Variants in BPTF observed in about 807,000 individuals in gnomAD.
BPTF encodes nucleosome-remodeling factor subunit BPTF.
BPTF carries 18 observed loss-of-function variants against 292.5 expected under a neutral mutation model. That is an observed-to-expected ratio of 0.06 (90% CI 0.04 to 0.09). The LOEUF is 0.09. Among genes scored for constraint, BPTF ranks in the 10% least tolerant of loss-of-function variants. The pLI is 1.00. For synonymous variants in BPTF, 1,225 were observed against 1,251.9 expected (o/e 0.98, Z 0.45); for missense variants, 2,726 against 3,498.7 (o/e 0.78, Z 5.57).
intron 1 of BPTF, among the ~76,000 whole-genome samples, chr17:67,833,245 C>CTT (rs530573535): frequency 1.0e-4 from 15 of 143,274 alleles, no homozygotes; most frequent in Non-Finnish European, 1.1e-4. Flanking sequence ...GCTATACAGC[C>CTT]TTTTTTTTTT....
At chr17:67,826,831 T>C (rs1030802342) in intron 1 of BPTF, among the ~76,000 whole-genome samples, 5 of 152,230 alleles carry the variant, frequency 3.3e-5, no homozygotes, top group Non-Finnish European at 7.3e-5. Context: ...CAGATTGTGG[T>C]ACACAAACAC....
intron 21 of BPTF, among the ~76,000 whole-genome samples, chr17:67,947,278 ACTGT>A (rs1218019660): frequency 3.3e-5 from 5 of 152,236 alleles, no homozygotes; most frequent in African/African-American, 4.8e-5. Context: ...GAATTACTAC[ACTGT>A]CTGTCTATCC....
intron 17 of BPTF, among the ~76,000 whole-genome samples, chr17:67,930,955 A>G (rs1186279351): frequency 7.0e-6 from 1 of 143,220 alleles, no homozygotes. Context: ...ACTCTGTCTC[A>G]AAAAAAAAAA....
intron 18 of BPTF, chr17:67,936,752 A>G (rs2064949040): frequency 1.3e-5 from 2 of 152,212 alleles, no homozygotes; most frequent in Admixed American, 6.5e-5. Context: ...CAACTGTCAT[A>G]TATTCATCAT....
At chr17:67,873,468 A>AAAAAAG (rs2059874743) in intron 3 of BPTF, among the ~76,000 whole-genome samples, 1 of 152,076 alleles carries the variant, frequency 6.6e-6, no homozygotes, top group Non-Finnish European at 1.5e-5. Flanking sequence ...CAAAAAAAAA[A>AAAAAAG]AAAAAGAAAA....
rs371307848 is a variant in BPTF at position 67,970,856 on chromosome 17, G to C, written c.8539+4200G>C. ...TTTTTATTGTGTGTAGTTTTTGCTA[G>C]TATAAACAACATGCCACTGGACATC... On this transcript the variant is annotated intron_variant, in intron 26 of 27. Transcript: ENST00000306378. 9.9e-5 allele frequency among the ~76,000 whole-genome samples: 15 copies of C among 152,234 alleles called. No individual in the cohort carries two copies. The East Asian group carries it at 1.2e-3, about 12-fold the overall frequency.
intron 1 of BPTF, among the ~76,000 whole-genome samples, chr17:67,836,594 A>G (rs190688727): frequency 1.3e-5 from 2 of 152,234 alleles, no homozygotes; most frequent in African/African-American, 4.8e-5. Flanking sequence ...CTAAAGGTTT[A>G]TGAACTTATT....
intron 2 of BPTF, among the ~76,000 whole-genome samples, chr17:67,861,608 G>C (rs555684576): frequency 1.3e-5 from 2 of 152,088 alleles, no homozygotes; most frequent in Non-Finnish European, 2.9e-5. Flanking sequence ...GAGCCACCAT[G>C]CCCAGCCATA....
At chr17:67,929,011 G>A (rs566408011) in intron 16 of BPTF, 11 of 1,203,194 alleles carry the variant, frequency 9.1e-6, no homozygotes, top group African/African-American at 3.1e-5. Flanking sequence ...CAGGTCAGAC[G>A]TTCCAAATTA....
chr17:67,980,309 C>T (rs1370821526), intron 27 of BPTF, among the ~76,000 whole-genome samples: 1 of 152,168 alleles, frequency 6.6e-6, no homozygotes, highest in Non-Finnish European at 1.5e-5. Flanking sequence ...CCTGCCACTG[C>T]ACTCCAGCCT....
At chr17:67,900,277 G>C (rs1245885010) in intron 7 of BPTF, among the ~76,000 whole-genome samples, 1 of 152,084 alleles carries the variant, frequency 6.6e-6, no homozygotes, top group South Asian at 2.1e-4. Context: ...GCTAATTTTC[G>C]TATTTTTAGT....
At chr17:67,966,291 G>T in intron 25 of BPTF, 1 of 318,176 alleles carries the variant, frequency 3.1e-6, no homozygotes, top group Non-Finnish European at 6.0e-6. Context: ...GCATCACTCA[G>T]TGACGGCTCA....
chr17:67,909,215 G>T (rs2062469084), intron 9 of BPTF, among the ~76,000 whole-genome samples: 1 of 148,868 alleles, frequency 6.7e-6, no homozygotes, highest in Non-Finnish European at 1.5e-5. Flanking sequence ...TGGACACAGA[G>T]CCTCACTCTG....
intron 25 of BPTF, among the ~76,000 whole-genome samples, chr17:67,964,824 C>A (rs1219664623): frequency 6.6e-6 from 1 of 150,976 alleles, no homozygotes; most frequent in Non-Finnish European, 1.5e-5. Context: ...ACGGTGAAAC[C>A]CCGTCTCTAC....
chr17:67,843,231 T>C (rs572032025), intron 1 of BPTF, among the ~76,000 whole-genome samples: 5 of 146,500 alleles, frequency 3.4e-5, no homozygotes, highest in African/African-American at 1.2e-4. Flanking sequence ...TATACCTATA[T>C]ATCTACATAC....
chr17:67,864,966 G>A (rs1294490101), intron 2 of BPTF, among the ~76,000 whole-genome samples: 9 of 151,990 alleles, frequency 5.9e-5, no homozygotes, highest in African/African-American at 1.7e-4. Context: ...CACCATGCCC[G>A]GCTAATTTTT....
rs1285917405 is a variant in BPTF, at chr17:67,886,871, TCTA to T, written c.1865-4969_1865-4967del. 3.3e-5 allele frequency among the ~76,000 whole-genome samples: 5 copies of T among 152,206 alleles called. No individual in the cohort carries two copies. In the East Asian group the frequency reaches 9.6e-4, roughly 29 times the overall value. ...CAGAGTATGGATGAACCATAATTCA[TCTA>T]CTATTTCTCTATTAATGGACATTTA... On this transcript the variant is annotated intron_variant, in intron 4 of 27. Coordinates refer to ENST00000306378, the MANE Select transcript of BPTF (RefSeq NM_182641.4).
chr17:67,891,841 C>A lies in BPTF; in HGVS notation c.1865-3C>A. The A allele has an allele frequency of 6.3e-7, 1 of 1,579,032 alleles. No homozygotes were observed. The highest frequency in any genetic ancestry group is 8.6e-7 in the Non-Finnish European group (1 of 1,163,118). On this transcript the variant is annotated splice_polypyrimidine_tract_variant and splice_region_variant and intron_variant, in intron 4 of 27. Coordinates refer to ENST00000306378, the MANE Select transcript of BPTF (RefSeq NM_182641.4). The stretch of plus-strand genomic sequence containing the variant: ...ATTGCTTTGTGGCCTATTCATTTGA[C>A]AGTAGGTGATTTCAAATCGGAGAAG...
At chr17:67,977,198 T>G (rs2069595339) in intron 27 of BPTF, among the ~76,000 whole-genome samples, 1 of 152,144 alleles carries the variant, frequency 6.6e-6, no homozygotes, top group Non-Finnish European at 1.5e-5. Context: ...AGGGCATCCT[T>G]TCTTGGCAGG....
Sources: allele counts gnomAD v4.1 joint callset (sites outside exome capture counted in the v4.1 genomes callset), GRCh38; gene constraint gnomAD v4.1.1; transcripts MANE v1.5; gene names NCBI Gene and HGNC (gene_info 2026-07-23, HGNC 2026-07-21).